Variants in SLC6A16 observed in about 807,000 individuals in gnomAD.
SLC6A16 encodes orphan sodium- and chloride-dependent neurotransmitter transporter NTT5.
Under a neutral mutation model 65.4 loss-of-function variants are expected in SLC6A16, and 54 were observed. The observed-to-expected ratio is 0.83, with a 90% CI of 0.66 to 1.04. The LOEUF is 1.04. SLC6A16 is among the 50% of genes least tolerant of loss of function. The pLI, the probability that SLC6A16 is intolerant of heterozygous loss-of-function variation, is 0.00. For missense variants in SLC6A16, 816 were observed against 914.0 expected (o/e 0.89, Z 1.38); for synonymous variants, 330 against 346.5 (o/e 0.95, Z 0.53).
At chr19:49,328,940 A>T (rs1429262811), upstream of SLC6A16, among the ~76,000 whole-genome samples, 1 of 152,214 alleles carries the variant, frequency 6.6e-6, no homozygotes, top group African/African-American at 2.4e-5. Flanking sequence ...AACCATGGTG[A>T]AGTGGATCCT....
the SLC6A16 span, among the ~76,000 whole-genome samples, chr19:49,335,016 G>A: frequency 6.6e-6 from 1 of 152,128 alleles, no homozygotes; most frequent in Non-Finnish European, 1.5e-5. This position sits in a 1 kb window ranked among gnomAD's most constrained non-coding sequence, Gnocchi z 4.6. Context: ...GGGAGTAGCA[G>A]GAAGGTGGGG....
intron 7 of SLC6A16, among the ~76,000 whole-genome samples, chr19:49,306,515 T>A (rs1329998418): frequency 2.7e-5 from 4 of 150,910 alleles, no homozygotes; most frequent in Non-Finnish European, 5.9e-5. Context: ...AAAACATTAA[T>A]CACTATCCTT....
chr19:49,302,448 C>T (rs776656820), intron 7 of SLC6A16, among the ~76,000 whole-genome samples: 1 of 152,166 alleles, frequency 6.6e-6, no homozygotes, highest in Non-Finnish European at 1.5e-5. Flanking sequence ...ACCCACCACA[C>T]GCACCCCCAC....
At chr19:49,314,420 G>A (rs1392561905) in intron 1 of SLC6A16, among the ~76,000 whole-genome samples, 3 of 152,168 alleles carry the variant, frequency 2.0e-5, no homozygotes, top group Non-Finnish European at 2.9e-5. Flanking sequence ...TTGTACACAT[G>A]AAATATGTAC....
Position 49,289,921 on chromosome 19 carries a change from C to G in SLC6A16, c.*202G>C. The G allele has an allele frequency of 1.7e-6, 1 of 594,986 alleles. No homozygotes were observed. The highest frequency in any genetic ancestry group is 3.0e-6 in the Non-Finnish European group (1 of 335,884). 36.9% of individuals were successfully genotyped at this position (594,986 alleles called of 1,614,324 possible). ...GTGTTGAGGAAGAGGATGGGGAAAACAATGATGGTGGTCACCAGGTAAGAT... is the reference window on the plus strand; with the variant it reads ...GTGTTGAGGAAGAGGATGGGGAAAAGAATGATGGTGGTCACCAGGTAAGAT... On this transcript the variant is annotated 3_prime_UTR_variant, in exon 12 of 12. Transcript: ENST00000335875.
Position 49,317,422 on chromosome 19 carries a change from G to T in SLC6A16, c.-64-6011C>A, listed in dbSNP as rs76136059. On this transcript the variant is annotated intron_variant, in intron 1 of 11. Transcript: ENST00000335875. ...AAAACATAGAAATGAAGGATATACA[G>T]GATCCAGATAAAAATGGGGAGAAGA... Among the ~76,000 whole-genome samples, 3 of 151,738 alleles carry T rather than the reference G, an allele frequency of 2.0e-5. No individual in the cohort carries two copies. In the East Asian group the frequency reaches 5.8e-4, roughly 29 times the overall value.
upstream of SLC6A16, among the ~76,000 whole-genome samples, chr19:49,327,466 A>T (rs1182538267): frequency 6.6e-6 from 1 of 152,224 alleles, no homozygotes; most frequent in Non-Finnish European, 1.5e-5. Flanking sequence ...TTGCTAGGTG[A>T]AAAATGTGTG....
At chr19:49,332,849 C>T in the SLC6A16 span, among the ~76,000 whole-genome samples, 5 of 152,114 alleles carry the variant, frequency 3.3e-5, no homozygotes, top group South Asian at 1.0e-3. Context: ...AGCAGAGAGG[C>T]GTTGGTGGTG....
At chr19:49,325,585 A>G (rs550355216), upstream of SLC6A16, among the ~76,000 whole-genome samples, 52 of 152,332 alleles carry the variant, frequency 3.4e-4, no homozygotes, top group African/African-American at 1.2e-3. Context: ...GCGTCCAACA[A>G]GGCAGACAGG....
intron 10 of SLC6A16, 101 bp from the exon 11 acceptor site, chr19:49,290,868 C>T: frequency 1.1e-6 from 1 of 934,822 alleles, no homozygotes; most frequent in East Asian, 2.6e-5. Flanking sequence ...TCTATTGTAT[C>T]TCTAATCTCC....
chr19:49,320,424 C>CAAAA (rs143022215), intron 1 of SLC6A16, among the ~76,000 whole-genome samples: 1 of 138,562 alleles, frequency 7.2e-6, no homozygotes, highest in Non-Finnish European at 1.6e-5. Context: ...AACAAACAAA[C>CAAAA]AAACAAAAAA....
chr19:49,335,449 T>C, the SLC6A16 span: 1 of 938,528 alleles, frequency 1.1e-6, no homozygotes, highest in Non-Finnish European at 1.7e-6. This position sits in a 1 kb window ranked among gnomAD's most constrained non-coding sequence, Gnocchi z 4.6. Context: ...TCCGTCTCTC[T>C]TTCTCTCTCA....
intron 7 of SLC6A16, among the ~76,000 whole-genome samples, chr19:49,308,410 G>A (rs530693821): frequency 1.3e-5 from 2 of 152,144 alleles, no homozygotes; most frequent in Admixed American, 6.5e-5. Flanking sequence ...CCAAGTTCGC[G>A]CCACTGCACT....
At position 49,294,485 on chromosome 19, in the gene SLC6A16, T is replaced by C. The variant is rs374727140; in HGVS notation, c.1298A>G (p.Asn433Ser). The change falls in exon 8 of 12, where the codon AAC (asparagine) becomes AGC (serine). Residue 433 changes from asparagine to serine, a missense_variant. By Grantham distance (46) the Asn-to-Ser change is conservative. Coordinates refer to ENST00000335875, the MANE Select transcript of SLC6A16 (RefSeq NM_014037.3). ...KLPPDAKPPV[N>S]LLYNPTSIYN... ...GATGGAGGTTGGGTTGTAAAGCAGG[T>C]TGACAGGGGGCTTGGCATCAGGAGG... 21 of 1,613,920 alleles carry C rather than the reference T, an allele frequency of 1.3e-5. No individual in the cohort carries two copies. Among genetic ancestry groups the C allele is most frequent in the Non-Finnish European group, 1.7e-5 (20 of 1,179,972 alleles).
Position 49,311,283 on chromosome 19 carries a change from A to G in SLC6A16, c.65T>C (p.Ile22Thr). ...LANTSWTGTV[I>T]SDSVPGSQTW... ...TTGACTTCCTGGGACACTGTCAGAA[A>G]TCACTGTGCCAGTCCATGAGGTGTT... is the stretch of plus-strand genomic sequence containing the variant. The change falls in exon 2 of 12, where the codon ATT becomes ACT. Residue 22 changes from isoleucine (I) to threonine (T), a missense_variant. By Grantham distance (89) the Ile-to-Thr change is moderately conservative (BLOSUM62 -1). Coordinates refer to ENST00000335875, the MANE Select transcript of SLC6A16 (RefSeq NM_014037.3). 2 of 1,612,840 alleles carry G rather than the reference A, an allele frequency of 1.2e-6. No homozygotes were observed. The highest frequency in any genetic ancestry group is 2.2e-5 in the South Asian group (2 of 90,860).
At position 49,294,632 on chromosome 19, in the gene SLC6A16, A is replaced by AGGG. The variant is rs367759270; in HGVS notation, c.1230-80_1230-79insCCC. Reference sequence around the variant, plus strand: ...CTCCTTTTCCCTTATCTTCAAGATAAAAAAGGCTATCACTGGCTTAGCATT... The same window carrying AGGG: ...CTCCTTTTCCCTTATCTTCAAGATAAGGGAAAAGGCTATCACTGGCTTAGCATT... On this transcript the variant is annotated intron_variant, in intron 7 of 11. Transcript: ENST00000335875. The AGGG allele has an allele frequency of 9.1e-4, 1,090 of 1,202,694 alleles. 3 individuals carry two copies. In the African/African-American group the frequency reaches 0.023, roughly 25 times the overall value. The allele number at this position is 1,202,694 out of a possible 1,614,324, so 74.5% of individuals were successfully genotyped here.
chr19:49,335,903 A>G, the SLC6A16 span: 2 of 806,902 alleles, frequency 2.5e-6, no homozygotes, highest in African/African-American at 3.4e-5. This position sits in a 1 kb window ranked among gnomAD's most constrained non-coding sequence, Gnocchi z 4.6. Flanking sequence ...ACAGGCTCCC[A>G]TCCACTGCTC....
At chr19:49,293,130 C>T in intron 10 of SLC6A16, 93 bp downstream of exon 10, 1 of 1,147,988 alleles carries the variant, frequency 8.7e-7, no homozygotes, top group Non-Finnish European at 1.2e-6. Flanking sequence ...GTCCCTATGT[C>T]ACACTAGGTG....
At chr19:49,335,668 A>C in the SLC6A16 span, 3 of 1,611,134 alleles carry the variant, frequency 1.9e-6, no homozygotes, top group Non-Finnish European at 2.5e-6. This position sits in a 1 kb window ranked among gnomAD's most constrained non-coding sequence, Gnocchi z 4.6. Flanking sequence ...CCCAGCCCTC[A>C]TCTTCCCCTG....
Sources: allele counts gnomAD v4.1 joint callset (sites outside exome capture counted in the v4.1 genomes callset), GRCh38; gene constraint gnomAD v4.1.1; non-coding constraint Gnocchi (gnomAD v3.1); transcripts MANE v1.5; gene names NCBI Gene and HGNC (gene_info 2026-07-23, HGNC 2026-07-21).